ANK3: variants seen among roughly 807,000 people sequenced by gnomAD.
ANK3 encodes the protein ankyrin 3, also known as ankyrin-3.
Under a neutral mutation model 370.9 loss-of-function variants are expected in ANK3, and 57 were observed. The ratio of observed to expected loss-of-function variants is 0.15; its 90% CI spans 0.12 to 0.19. The LOEUF (loss-of-function observed/expected upper bound fraction) is 0.19. ANK3 is among the 10% of genes least tolerant of loss of function. The pLI is 1.00. For missense variants in ANK3, 4,439 were observed against 5,302.1 expected, an observed-to-expected ratio of 0.84 and a Z score of 5.06; for synonymous variants, 1,929 against 1,946.3, an observed-to-expected ratio of 0.99 and a Z score of 0.23.
At chr10:60,232,801 G>T (rs971706227) in intron 8 of ANK3, among the ~76,000 whole-genome samples, 7 of 152,126 alleles carry the variant, frequency 4.6e-5, no homozygotes, top group Non-Finnish European at 1.0e-4. Flanking sequence ...GTCTTGCTCT[G>T]TCACCTGCTA....
rs1196972156 is a variant in ANK3 at position 60,680,134 on chromosome 10, C to CG, written c.57+53128dup. On this transcript the variant is annotated intron_variant, in intron 1 of 43. Coordinates refer to the ANK3 transcript ENST00000373827. ...TGGGAGACATAGTGAGGCTCTGTCT[C>CG]GGGAAAAAAAAAAAAAGGAAAGAAA... Among the ~76,000 whole-genome samples the CG allele has an allele frequency of 7.0e-5, 4 of 57,162 alleles. No individual in the cohort carries two copies. The East Asian group carries it at 1.6e-3, about 23-fold the overall frequency. The allele number at this position is 57,162 out of a possible 152,430, so 37.5% of individuals were successfully genotyped here.
chr10:60,371,626 C>T (rs2060123351), intron 1 of ANK3, among the ~76,000 whole-genome samples: 1 of 152,090 alleles, frequency 6.6e-6, no homozygotes, highest in Non-Finnish European at 1.5e-5. Flanking sequence ...TTATGTCCTT[C>T]TTATGGGGTA....
intron 1 of ANK3, among the ~76,000 whole-genome samples, chr10:60,677,976 A>T (rs2079148536): frequency 6.6e-6 from 1 of 152,122 alleles, no homozygotes; most frequent in Admixed American, 6.5e-5. Context: ...TACTAACAGT[A>T]CTTTGCCACA....
chr10:60,208,180 G>C lies in ANK3; in HGVS notation c.1050C>G (p.Val350=), dbSNP rs772726915. Residue 350 remains valine (V), a synonymous_variant, in exon 10 of 44, where the codon GTC becomes GTG. Coordinates refer to ENST00000280772, the MANE Select transcript of ANK3 (RefSeq NM_020987.5). ...GTACATTATGCTGGAGGAGAAGCTG[G>C]ACGCAGTTTAAATGATCCCCTTGTG... ...MATQGDHLNC[V]QLLLQHNVPV... is the part of the protein sequence containing the mutation. 3.1e-6 allele frequency: 5 copies of C among 1,614,158 alleles called. No homozygotes were observed. The South Asian group carries it at 5.5e-5, about 18-fold the overall frequency.
At chr10:60,082,209 GA>G (rs1166212104) in intron 34 of ANK3, 33 bp from the exon 35 acceptor site, 14 of 1,584,838 alleles carry the variant, frequency 8.8e-6, no homozygotes, top group Non-Finnish European at 1.2e-5. Context: ...CAGAGACAAG[GA>G]ATATTATAAT....
intron 9 of ANK3, among the ~76,000 whole-genome samples, chr10:60,211,961 A>C (rs2096863938): frequency 6.6e-6 from 1 of 151,996 alleles, no homozygotes; most frequent in African/African-American, 2.4e-5. Context: ...GAAACAGAAA[A>C]ACTAAATTAA....
chr10:60,660,483 T>C (rs747280795), intron 1 of ANK3, among the ~76,000 whole-genome samples: 6 of 152,176 alleles, frequency 3.9e-5, no homozygotes, highest in Non-Finnish European at 8.8e-5. Flanking sequence ...CTGATGCTCT[T>C]CATTTTTTCT....
chr10:60,478,177 C>T (rs892917027), intron 2 of ANK3, among the ~76,000 whole-genome samples: 1 of 151,964 alleles, frequency 6.6e-6, no homozygotes, highest in Admixed American at 6.6e-5. Flanking sequence ...ATGAAGCAGT[C>T]AACAATTAAC....
intron 2 of ANK3, among the ~76,000 whole-genome samples, chr10:60,493,421 A>C (rs147038254): frequency 0.013 from 2,018 of 152,162 alleles, 61 homozygotes; most frequent in East Asian, 0.048. Flanking sequence ...GGAGAGGAGG[A>C]GAAGAATGAG....
At chr10:60,577,394 T>C (rs1019513089) in intron 2 of ANK3, among the ~76,000 whole-genome samples, 8 of 152,200 alleles carry the variant, frequency 5.3e-5, no homozygotes, top group Non-Finnish European at 1.0e-4. Context: ...AAATCTCATC[T>C]TGAATCCTAT....
chr10:60,194,153 A>T (rs1308748104), intron 16 of ANK3, among the ~76,000 whole-genome samples: 1 of 152,228 alleles, frequency 6.6e-6, no homozygotes, highest in Admixed American at 6.5e-5. Context: ...GAGAAAAAGA[A>T]AAGTAGCCCA....
intron 2 of ANK3, among the ~76,000 whole-genome samples, chr10:60,414,218 C>T (rs1238191572): frequency 6.6e-6 from 1 of 152,050 alleles, no homozygotes; most frequent in African/African-American, 2.4e-5. Flanking sequence ...AAAACATGCC[C>T]ACAAGAGATC....
At chr10:60,203,153 T>C in intron 11 of ANK3, 53 bp from the exon 12 acceptor site, 1 of 1,343,342 alleles carries the variant, frequency 7.4e-7, no homozygotes, top group Non-Finnish European at 1.1e-6. Context: ...AAAAAAGGTT[T>C]GTCTGTGAGC....
At chr10:60,051,416 A>T in intron 42 of ANK3, 1 of 803,950 alleles carries the variant, frequency 1.2e-6, no homozygotes, top group Non-Finnish European at 1.5e-6. Flanking sequence ...TTCTACAACC[A>T]CAAGGAAGGA....
chr10:60,345,084 A>C (rs72824116), intron 1 of ANK3, among the ~76,000 whole-genome samples: 782 of 77,002 alleles, frequency 0.01, 3 homozygotes, highest in South Asian at 0.06. Flanking sequence ...ATCAGCAGCC[A>C]ATATTGTGAA....
intron 42 of ANK3, chr10:60,051,661 CTTCT>C: frequency 1.3e-5 from 2 of 149,424 alleles, no homozygotes; most frequent in Non-Finnish European, 2.1e-5. Context: ...TTGATGTTTT[CTTCT>C]TTTTTTTTTT....
intron 2 of ANK3, among the ~76,000 whole-genome samples, chr10:60,539,823 T>C (rs1324792712): frequency 6.6e-6 from 1 of 151,930 alleles, no homozygotes; most frequent in East Asian, 1.9e-4. Flanking sequence ...TGCTATGAAA[T>C]CAAGCCCTAT....
rs543735136 is a variant in ANK3, at chr10:60,467,063, A to G, written c.96+148123T>C. Among the ~76,000 whole-genome samples the G allele has an allele frequency of 2.6e-5, 4 of 152,306 alleles. No homozygotes were observed. The South Asian group carries it at 6.2e-4, about 24-fold the overall frequency. On this transcript the variant is annotated intron_variant, in intron 2 of 43. Transcript: ENST00000373827. ...TGAATTGTATATTTTAAATGAGTCA[A>G]ATGTATGGTATGTAAATTATATCTC...
In ANK3 at chr10:60,072,927, G is replaced by T; in HGVS notation, c.7954C>A (p.His2652Asn). The T allele has an allele frequency of 6.2e-7, 1 of 1,614,076 alleles. No homozygotes were observed. Among genetic ancestry groups the T allele is most frequent in the Non-Finnish European group, 8.5e-7 (1 of 1,180,006 alleles). The change falls in exon 37 of 44, where the codon CAT (histidine) becomes AAT (asparagine). Residue 2652 changes from histidine (H) to asparagine (N), a missense_variant. Physicochemically the swap from His to Asn is moderately conservative, Grantham distance 68. Transcript: ENST00000280772. ...SNDEWVKARQ[H>N]GPDGQGFPKA... ...GGGAAGCCTTGTCCATCAGGGCCAT[G>T]CTGTCTTGCCTTAACCCACTCATCA...
Sources: gnomAD v4.1 joint callset for allele counts (sites outside exome capture counted in the v4.1 genomes callset) on GRCh38, gnomAD v4.1.1 for gene constraint, MANE v1.5 for transcripts, NCBI Gene and HGNC (gene_info 2026-07-23, HGNC 2026-07-21) for gene names.